Variants in SCN3B observed in about 807,000 individuals in gnomAD.
The protein encoded by SCN3B is sodium channel regulatory subunit beta-3.
SCN3B carries 11 observed loss-of-function variants against 25.4 expected under a neutral mutation model. The observed-to-expected ratio is 0.43, with a 90% CI of 0.27 to 0.72. The LOEUF (loss-of-function observed/expected upper bound fraction) is 0.72. Ranked by LOEUF, SCN3B falls within the 30% of genes least tolerant of loss-of-function variation. The pLI is 0.18. For missense variants in SCN3B, 218 were observed against 278.3 expected (o/e 0.78, Z 1.54); for synonymous variants, 109 against 110.7 (o/e 0.99, Z 0.09).
intron 2 of SCN3B, among the ~76,000 whole-genome samples, chr11:123,652,640 T>C (rs1955940050): frequency 6.6e-6 from 1 of 152,194 alleles, no homozygotes; most frequent in Admixed American, 6.5e-5. Context: ...TTACCCTGTG[T>C]ATTGATTTTT....
intron 5 of SCN3B, among the ~76,000 whole-genome samples, 198 bp downstream of exon 5, chr11:123,637,988 T>G (rs1004411888): frequency 5.3e-5 from 8 of 152,212 alleles, no homozygotes; most frequent in Non-Finnish European, 1.2e-4. Context: ...TCGTAATGAA[T>G]TAAGAGTTTG....
intron 2 of SCN3B, among the ~76,000 whole-genome samples, chr11:123,647,503 G>A (rs1388684197): frequency 6.6e-6 from 1 of 151,838 alleles, no homozygotes; most frequent in East Asian, 1.9e-4. Context: ...CAACATGATG[G>A]TCACCGCAGA....
At chr11:123,641,297 T>C (rs1197756252) in intron 4 of SCN3B, among the ~76,000 whole-genome samples, 1 of 152,254 alleles carries the variant, frequency 6.6e-6, no homozygotes, top group East Asian at 1.9e-4. Flanking sequence ...CAGGTCTGGA[T>C]TCAGGAGCCC....
Position 123,632,336 on chromosome 11 carries a change from C to G in SCN3B, c.*1463G>C, listed in dbSNP as rs1351084043. 1 of 152,170 alleles carries G rather than the reference C, an allele frequency of 6.6e-6. No homozygotes were observed. Among genetic ancestry groups the G allele is most frequent in the Non-Finnish European group, 1.5e-5 (1 of 68,044 alleles). 9.4% of individuals were successfully genotyped at this position (152,170 alleles called of 1,614,324 possible). A position where few individuals can be genotyped will look rare whatever the true frequency, so the allele number is the denominator to read the frequency against. On this transcript the variant is annotated 3_prime_UTR_variant, in exon 7 of 7. Coordinates refer to ENST00000299333, the MANE Select transcript of SCN3B (RefSeq NM_001040151.2). ...TGGAGGATATTTCAGAGTCACAGAT[C>G]TTTACATAAAGGAAGTTCTTTAAGT...
rs1265045446 is a variant in SCN3B at position 123,638,183 on chromosome 11, T to TA, written c.584+2dup. ...ATTATTACTTTGGCATCTCTGGACT[T>TA]ACGCGTTTTCTTGGGCTGCCTCTTC... On this transcript the variant is annotated splice_region_variant and intron_variant, in intron 5 of 6. Coordinates refer to ENST00000299333, the MANE Select transcript of SCN3B (RefSeq NM_001040151.2). 3.7e-6 allele frequency: 6 copies of TA among 1,613,974 alleles called. No individual in the cohort carries two copies. Among genetic ancestry groups the TA allele is most frequent in the Admixed American group, 1.7e-5 (1 of 59,998 alleles).
At chr11:123,653,873 C>G in intron 1 of SCN3B, 47 bp from the exon 2 acceptor site, 1 of 1,559,182 alleles carries the variant, frequency 6.4e-7, no homozygotes, top group Non-Finnish European at 8.8e-7. Flanking sequence ...CTCTCAGATT[C>G]TTTCGAGGAA....
At chr11:123,637,061 A>G (rs1242336349) in intron 5 of SCN3B, among the ~76,000 whole-genome samples, 1 of 152,168 alleles carries the variant, frequency 6.6e-6, no homozygotes, top group African/African-American at 2.4e-5. Context: ...TTGCCTCAGC[A>G]ATGTTGCTAG....
In SCN3B at chr11:123,642,787, A is replaced by C; in HGVS notation, c.220-116T>G. On this transcript the variant is annotated intron_variant, in intron 3 of 6. Coordinates refer to ENST00000299333, the MANE Select transcript of SCN3B (RefSeq NM_001040151.2). The surrounding 1 kb of genome is among the most constrained non-coding windows in gnomAD (Gnocchi z 4.3). Reference sequence around the variant, plus strand: ...AGAATTGTGCATGGACAGGGAAGAGAGGGGACAATGCCACCGGGAGACCCA... The same window carrying C: ...AGAATTGTGCATGGACAGGGAAGAGCGGGGACAATGCCACCGGGAGACCCA... The C allele has an allele frequency of 2.5e-6, 2 of 804,190 alleles. No homozygotes were observed. The highest frequency in any genetic ancestry group is 2.1e-6 in the Non-Finnish European group (1 of 476,628). 49.8% of individuals were successfully genotyped at this position (804,190 alleles called of 1,614,324 possible).
Position 123,642,773 on chromosome 11 carries a change from T to A in SCN3B, c.220-102A>T. 1 of 885,800 alleles carries A rather than the reference T, an allele frequency of 1.1e-6. No homozygotes were observed. The highest frequency in any genetic ancestry group is 1.4e-5 in the South Asian group (1 of 71,534). 54.9% of individuals were successfully genotyped at this position (885,800 alleles called of 1,614,324 possible). A position where few individuals can be genotyped will look rare whatever the true frequency, so the allele number is the denominator to read the frequency against. On this transcript the variant is annotated intron_variant, in intron 3 of 6. Transcript: ENST00000299333. The surrounding 1 kb of genome is among the most constrained non-coding windows in gnomAD (Gnocchi z 4.3). Reference sequence around the variant, plus strand: ...CAGAGAAAAGGAGCAGAATTGTGCATGGACAGGGAAGAGAGGGGACAATGC... The same window carrying A: ...CAGAGAAAAGGAGCAGAATTGTGCAAGGACAGGGAAGAGAGGGGACAATGC...
chr11:123,637,228 TTAGAG>T (rs1273834730), intron 5 of SCN3B, among the ~76,000 whole-genome samples: 1 of 152,126 alleles, frequency 6.6e-6, no homozygotes, highest in Non-Finnish European at 1.5e-5. Context: ...AGGCTGGACT[TTAGAG>T]GATTAGAGTC....
chr11:123,634,946 ATG>A (rs1955709258), intron 5 of SCN3B, among the ~76,000 whole-genome samples: 1 of 152,172 alleles, frequency 6.6e-6, no homozygotes, highest in Admixed American at 6.5e-5. Context: ...AATTTTGCTT[ATG>A]GAGTCTTCTA....
At chr11:123,649,170 G>T (rs1331982322) in intron 2 of SCN3B, among the ~76,000 whole-genome samples, 1 of 152,206 alleles carries the variant, frequency 6.6e-6, no homozygotes, top group African/African-American at 2.4e-5. Context: ...GCAAGAAAAT[G>T]ATTTGCTGGA....
chr11:123,653,868 A>G, intron 1 of SCN3B, 42 bp from the exon 2 acceptor site: 1 of 1,573,366 alleles, frequency 6.4e-7, no homozygotes, highest in Non-Finnish European at 8.7e-7. Context: ...GCGCCCTCTC[A>G]GATTCTTTCG....
chr11:123,653,027 G>A (rs887033623), intron 2 of SCN3B, among the ~76,000 whole-genome samples: 1 of 152,048 alleles, frequency 6.6e-6, no homozygotes, highest in Non-Finnish European at 1.5e-5. Flanking sequence ...GAGGGGGAAG[G>A]TCACCTCAGT....
intron 4 of SCN3B, among the ~76,000 whole-genome samples, chr11:123,641,710 A>AT (rs1389765786): frequency 1.3e-5 from 2 of 152,210 alleles, no homozygotes; most frequent in Non-Finnish European, 2.9e-5. Context: ...GAGTCCAAAG[A>AT]TTTTAAACAA....
chr11:123,652,895 C>T (rs1955943483), intron 2 of SCN3B, among the ~76,000 whole-genome samples: 1 of 152,190 alleles, frequency 6.6e-6, no homozygotes, highest in Admixed American at 6.5e-5. Context: ...AACATTGTCT[C>T]AATCACACAA....
intron 2 of SCN3B, among the ~76,000 whole-genome samples, chr11:123,648,697 C>A (rs1393643959): frequency 1.3e-5 from 2 of 152,124 alleles, no homozygotes; most frequent in South Asian, 2.1e-4. Context: ...AATGAGGATA[C>A]AAGCTATACA....
In SCN3B at chr11:123,629,797, G is replaced by A. The variant is rs1321954124; in HGVS notation, c.*4002C>T. 6.6e-6 allele frequency: 1 copy of A among 152,228 alleles called. No individual in the cohort carries two copies. Among genetic ancestry groups the A allele is most frequent in the Non-Finnish European group, 1.5e-5 (1 of 68,052 alleles). The allele number at this position is 152,228 out of a possible 1,614,324, so 9.4% of individuals were successfully genotyped here. A position where few individuals can be genotyped will look rare whatever the true frequency, so the allele number is the denominator to read the frequency against. ...ATTAGGGATTTTTCATTTACAAAATGAGGTGAGAGGAAGGCTTCTTTTGTT... is the reference window on the plus strand; with the variant it reads ...ATTAGGGATTTTTCATTTACAAAATAAGGTGAGAGGAAGGCTTCTTTTGTT... On this transcript the variant is annotated 3_prime_UTR_variant, in exon 7 of 7. Transcript: ENST00000299333.
Position 123,633,273 on chromosome 11 carries a change from G to A in SCN3B, c.*526C>T, listed in dbSNP as rs1356051309. On this transcript the variant is annotated 3_prime_UTR_variant, in exon 7 of 7. Transcript: ENST00000299333. ...CTAGACAGGCGTGCTTCACTCTGAT[G>A]CTGTAGCAAAGTGGGCCATGAACCT... The A allele has an allele frequency of 1.3e-5, 2 of 152,272 alleles. No homozygotes were observed. Among genetic ancestry groups the A allele is most frequent in the Non-Finnish European group, 2.9e-5 (2 of 68,090 alleles). 9.4% of individuals were successfully genotyped at this position (152,272 alleles called of 1,614,324 possible).
Sources: allele counts gnomAD v4.1 joint callset (sites outside exome capture counted in the v4.1 genomes callset), GRCh38; gene constraint gnomAD v4.1.1; non-coding constraint Gnocchi (gnomAD v3.1); transcripts MANE v1.5; gene names NCBI Gene and HGNC (gene_info 2026-07-23, HGNC 2026-07-21).